MEIG1: variants seen among roughly 807,000 people sequenced by gnomAD.
The protein encoded by MEIG1 is meiosis expressed gene 1 protein homolog.
In MEIG1, 12 loss-of-function variants were observed where a neutral mutation model predicts 11.3. The observed-to-expected ratio is 1.07, with a 90% CI of 0.68 to 1.73. The LOEUF (loss-of-function observed/expected upper bound fraction) is 1.73, where lower values mean the gene tolerates loss of function less well. MEIG1 is among the 40% of genes most tolerant of loss of function. The pLI is 0.00. For synonymous variants in MEIG1, 41 were observed against 33.2 expected (o/e 1.24, Z -0.81); for missense variants, 119 against 104.9 (o/e 1.13, Z -0.59).
chr10:14,985,947 A>G (rs1415292288), intron 1 of MEIG1, among the ~76,000 whole-genome samples: 1 of 152,052 alleles, frequency 6.6e-6, no homozygotes, highest in Non-Finnish European at 1.5e-5. Flanking sequence ...TATCCAGGGT[A>G]AATATTACTC....
upstream of MEIG1, among the ~76,000 whole-genome samples, chr10:14,957,849 T>C (rs979302712): frequency 9.2e-5 from 14 of 152,226 alleles, no homozygotes; most frequent in African/African-American, 3.4e-4. Flanking sequence ...GGTTTCACCA[T>C]ATTGGCCAGG....
chr10:14,966,119 G>A (rs865932539), intron 1 of MEIG1, among the ~76,000 whole-genome samples: 3 of 135,094 alleles, frequency 2.2e-5, no homozygotes, highest in East Asian at 2.1e-4. Context: ...CTTGGAGTGC[G>A]GTGGCACAAT....
At chr10:14,977,553 G>A (rs1156410077), downstream of MEIG1, among the ~76,000 whole-genome samples, 1 of 144,744 alleles carries the variant, frequency 6.9e-6, no homozygotes, top group African/African-American at 2.6e-5. Context: ...CTTATAGAGA[G>A]ATATTACTTT....
chr10:14,969,447 CAAAAAAA>C (rs60562557), intron 2 of MEIG1, among the ~76,000 whole-genome samples: 1 of 115,160 alleles, frequency 8.7e-6, no homozygotes, highest in Non-Finnish European at 1.9e-5. Flanking sequence ...GACCCTGTCT[CAAAAAAA>C]AAAAAAGAAA....
At chr10:14,981,509 C>G (rs1843262589) in intron 1 of MEIG1, among the ~76,000 whole-genome samples, 1 of 152,136 alleles carries the variant, frequency 6.6e-6, no homozygotes. Flanking sequence ...CCGGTGATGT[C>G]AAGAGTCTTT....
At chr10:14,962,574 AC>A (rs1281764314) in intron 1 of MEIG1, among the ~76,000 whole-genome samples, 1 of 152,204 alleles carries the variant, frequency 6.6e-6, no homozygotes, top group Non-Finnish European at 1.5e-5. Flanking sequence ...GCTGAAAGTG[AC>A]AAAAGGTTAC....
Position 14,966,498 on chromosome 10 carries a change from A to G in MEIG1, c.30A>G (p.Ser10=). Residue 10 remains serine (S), a synonymous_variant, in exon 2 of 3, where the codon TCA becomes TCG. Coordinates refer to ENST00000407572, the MANE Select transcript of MEIG1 (RefSeq NM_001080836.3). ...CTAGTTCTGACGTAAAACCAAAATC[A>G]GTAAGTCATGCCAAAAAATGGTCAG... MASSDVKPK[S]VSHAKKWSEE... The G allele has an allele frequency of 3.1e-6, 5 of 1,611,678 alleles. No homozygotes were observed. The highest frequency in any genetic ancestry group is 1.1e-5 in the South Asian group (1 of 90,340).
chr10:14,969,233 G>A (rs1298067889), intron 2 of MEIG1, among the ~76,000 whole-genome samples: 1 of 151,898 alleles, frequency 6.6e-6, no homozygotes, highest in Non-Finnish European at 1.5e-5. Context: ...GATTGCTTGA[G>A]GCCAGGATTT....
intron 1 of MEIG1, among the ~76,000 whole-genome samples, chr10:14,985,783 T>C (rs1843312655): frequency 6.6e-6 from 1 of 152,056 alleles, no homozygotes; most frequent in South Asian, 2.1e-4. Context: ...TTATTATTTG[T>C]AATCCCCTAG....
In MEIG1 at chr10:14,972,097, C is replaced by T. The variant is rs145755173; in HGVS notation, c.139-416C>T. Among the ~76,000 whole-genome samples, 83 of 152,014 alleles carry T rather than the reference C, an allele frequency of 5.5e-4. 1 individual carries two copies. Among genetic ancestry groups the T allele is most frequent in the African/African-American group, 2.0e-3 (81 of 41,426 alleles). ...TGGCGCCATCTAGAGTCACTGCAAC[C>T]CCTGCCTCCAGAGTTCAATGGATTC... On this transcript the variant is annotated intron_variant, in intron 2 of 2. Transcript: ENST00000407572.
chr10:14,969,508 T>C (rs1023019883), intron 2 of MEIG1, among the ~76,000 whole-genome samples: 4 of 151,280 alleles, frequency 2.6e-5, no homozygotes, highest in African/African-American at 4.9e-5. Context: ...TTAAATGTAA[T>C]CACATGTTTG....
chr10:14,982,666 G>A (rs1276653168), intron 1 of MEIG1, among the ~76,000 whole-genome samples: 2 of 152,034 alleles, frequency 1.3e-5, no homozygotes, highest in African/African-American at 2.4e-5. Flanking sequence ...TTGGATCCCC[G>A]TTTTGGGTCG....
exon 2 of MEIG1, chr10:14,986,892 G>T: frequency 1.9e-6 from 1 of 520,832 alleles, no homozygotes; most frequent in Non-Finnish European, 3.4e-6. Context: ...GTTGAGAGGG[G>T]TCACAGACAA....
rs1371198963 is a variant in MEIG1 at position 14,987,275 on chromosome 10, G to C, written n.285+261G>C. 2.0e-5 allele frequency: 16 copies of C among 796,762 alleles called. No homozygotes were observed. The Admixed American group carries it at 2.2e-4, about 11-fold the overall frequency. The allele number at this position is 796,762 out of a possible 1,614,324, so 49.4% of individuals were successfully genotyped here. On this transcript the variant is annotated intron_variant and non_coding_transcript_variant, in intron 2 of 2. Transcript: ENST00000467536. ...GAAGTACATGGGGGTATGGAGGGGG[G>C]AGTCAGAGCTGACAGCCAGGATGCT...
intron 1 of MEIG1, among the ~76,000 whole-genome samples, chr10:14,983,548 A>C (rs2131284559): frequency 6.6e-6 from 1 of 152,120 alleles, no homozygotes; most frequent in Admixed American, 6.5e-5. Flanking sequence ...GTGTACATCC[A>C]GTCTGTGCTA....
At chr10:14,985,837 G>A (rs367860049) in intron 1 of MEIG1, among the ~76,000 whole-genome samples, 1 of 152,140 alleles carries the variant, frequency 6.6e-6, no homozygotes, top group Admixed American at 6.5e-5. Flanking sequence ...CACACATAGT[G>A]TATACCCTGT....
At chr10:14,961,505 C>G (rs1395816214) in intron 1 of MEIG1, among the ~76,000 whole-genome samples, 2 of 152,082 alleles carry the variant, frequency 1.3e-5, no homozygotes, top group Non-Finnish European at 2.9e-5. Flanking sequence ...GTGTCTTGCT[C>G]TGTCACCCAG....
chr10:14,983,805 G>C (rs749620458), intron 1 of MEIG1, among the ~76,000 whole-genome samples: 15 of 151,964 alleles, frequency 9.9e-5, no homozygotes, highest in African/African-American at 3.6e-4. Flanking sequence ...TATTCCAAGG[G>C]GGAGAGGTTG....
chr10:14,955,319 G>C (rs1231383332), upstream of MEIG1, among the ~76,000 whole-genome samples: 1 of 152,204 alleles, frequency 6.6e-6, no homozygotes, highest in Non-Finnish European at 1.5e-5. Flanking sequence ...CATGTTTGCA[G>C]AATATGGCAA....
Sources: gnomAD v4.1 joint callset for allele counts (sites outside exome capture counted in the v4.1 genomes callset) on GRCh38, gnomAD v4.1.1 for gene constraint, MANE v1.5 for transcripts, NCBI Gene and HGNC (gene_info 2026-07-23, HGNC 2026-07-21) for gene names.